The following BIRC6 variants were observed in gnomAD, a reference collection of about 807,000 sequenced individuals.
BIRC6 encodes baculoviral IAP repeat containing 6.
BIRC6 carries 98 observed loss-of-function variants against 503.3 expected under a neutral mutation model. The observed-to-expected ratio is 0.19, with a 90% CI of 0.17 to 0.23. The LOEUF is 0.23. Ranked by LOEUF, BIRC6 falls within the 10% of genes least tolerant of loss-of-function variation. The pLI, the probability that BIRC6 is intolerant of heterozygous loss-of-function variation, is 1.00. For missense variants in BIRC6, 5,360 were observed against 5,806.0 expected (o/e 0.92, Z 2.50); for synonymous variants, 2,240 against 2,078.7 (o/e 1.08, Z -2.11).
intron 61 of BIRC6, among the ~76,000 whole-genome samples, chr2:32,536,500 C>G (rs976940865): frequency 2.0e-5 from 3 of 152,148 alleles, no homozygotes; most frequent in African/African-American, 7.2e-5. Flanking sequence ...GTAAAGAAGG[C>G]ATCCAGTTTC....
intron 26 of BIRC6, among the ~76,000 whole-genome samples, chr2:32,465,687 G>T (rs2048467561): frequency 6.6e-6 from 1 of 152,110 alleles, no homozygotes; most frequent in African/African-American, 2.4e-5. Flanking sequence ...ATAAACTCTA[G>T]GCAACTTTTC....
intron 11 of BIRC6, 24 bp downstream of exon 11, chr2:32,429,319 AT>A (rs1466643819): frequency 1.4e-6 from 2 of 1,439,002 alleles, no homozygotes; most frequent in Non-Finnish European, 1.8e-6. Context: ...TTTTTAAATG[AT>A]TTTAAAAAAA....
In BIRC6 at chr2:32,407,546, TTG is replaced by T. The variant is rs1178737542; in HGVS notation, c.1477+992_1477+993del. The stretch of plus-strand genomic sequence containing the variant: ...TTTTTAAAAAGTGACCATTATTAAA[TTG>T]TGGCTATTGTTTAATGTTAGATGCT... On this transcript the variant is annotated intron_variant, in intron 9 of 73. Coordinates refer to ENST00000421745, the MANE Select transcript of BIRC6 (RefSeq NM_016252.4). Among the ~76,000 whole-genome samples, 5 of 152,146 alleles carry T rather than the reference TTG, an allele frequency of 3.3e-5. No individual in the cohort carries two copies. In the East Asian group the frequency reaches 9.6e-4, roughly 29 times the overall value.
In BIRC6 at chr2:32,405,923, A is replaced by G. The variant is rs183894653; in HGVS notation, c.1419-576A>G. On this transcript the variant is annotated intron_variant, in intron 8 of 73. Coordinates refer to ENST00000421745, the MANE Select transcript of BIRC6 (RefSeq NM_016252.4). ...ACACAGTAGTCTTCAAATTCCTACA[A>G]ATGTTATTATGGATTCTTGGAGGTT... Among the ~76,000 whole-genome samples, 4 of 152,254 alleles carry G rather than the reference A, an allele frequency of 2.6e-5. No individual in the cohort carries two copies. The East Asian group carries it at 5.8e-4, about 22-fold the overall frequency.
chr2:32,436,929 C>A (rs1188912897), intron 15 of BIRC6, among the ~76,000 whole-genome samples: 1 of 146,148 alleles, frequency 6.8e-6, no homozygotes, highest in African/African-American at 2.5e-5. Flanking sequence ...TGCTCTGTTA[C>A]CCAGGTTGGA....
intron 6 of BIRC6, among the ~76,000 whole-genome samples, chr2:32,398,878 AG>A (rs1047551731): frequency 3.4e-4 from 52 of 152,280 alleles, no homozygotes; most frequent in Non-Finnish European, 5.3e-4. Context: ...AAAAGGATTT[AG>A]GAAAGACATC....
At chr2:32,529,855 A>G (rs778150381) in intron 60 of BIRC6, 31 bp downstream of exon 60, 2 of 1,417,762 alleles carry the variant, frequency 1.4e-6, no homozygotes, top group Admixed American at 5.0e-5. Flanking sequence ...TAAAAATTAC[A>G]GACTGTCATA....
intron 6 of BIRC6, among the ~76,000 whole-genome samples, chr2:32,398,368 A>C (rs766234679): frequency 3.9e-5 from 6 of 152,182 alleles, no homozygotes; most frequent in Non-Finnish European, 7.3e-5. Context: ...GTTAAGGGGA[A>C]TGAACAGTAA....
intron 39 of BIRC6, among the ~76,000 whole-genome samples, chr2:32,484,116 G>T (rs2050717108): frequency 6.6e-6 from 1 of 152,096 alleles, no homozygotes; most frequent in Non-Finnish European, 1.5e-5. Flanking sequence ...AGCTCAAGCA[G>T]TCCGCCCTCC....
At chr2:32,568,984 C>CTT (rs1316517122) in intron 65 of BIRC6, among the ~76,000 whole-genome samples, 3 of 144,770 alleles carry the variant, frequency 2.1e-5, no homozygotes, top group African/African-American at 5.3e-5. Flanking sequence ...ATGTCTCTCT[C>CTT]TTTTTTTTTT....
chr2:32,450,135 C>A (rs550992555), intron 22 of BIRC6, among the ~76,000 whole-genome samples: 6 of 152,234 alleles, frequency 3.9e-5, no homozygotes, highest in African/African-American at 1.4e-4. Flanking sequence ...GCTCTGAGGT[C>A]ATCAAGTTTG....
chr2:32,445,521 G>C lies in BIRC6; in HGVS notation c.4337G>C (p.Gly1446Ala). 1 of 1,547,808 alleles carries C rather than the reference G, an allele frequency of 6.5e-7. No individual in the cohort carries two copies. The highest frequency in any genetic ancestry group is 8.7e-7 in the Non-Finnish European group (1 of 1,146,072). ...MSFLPAATTG[G>A]SVYWYFVLLN... is the part of the protein sequence containing the mutation. ...TTTATTTTGTTTTTATTGTTTCCAG[G>C]TTCTGTCTATTGGTATTTTGTCTTA... The change falls in exon 21 of 74, where the codon GGT (glycine) becomes GCT (alanine). Residue 1446 changes from glycine to alanine, a missense_variant and splice_region_variant. Physicochemically the swap from Gly to Ala is moderately conservative, Grantham distance 60 (BLOSUM62 0). Coordinates refer to ENST00000421745, the MANE Select transcript of BIRC6 (RefSeq NM_016252.4).
At chr2:32,442,592 TGTTG>T in intron 19 of BIRC6, 137 bp downstream of exon 19, 3 of 1,104,668 alleles carry the variant, frequency 2.7e-6, no homozygotes, top group Non-Finnish European at 3.6e-6. Flanking sequence ...TGATGAAGAT[TGTTG>T]ATAATCTTAG....
At chr2:32,391,856 T>A (rs2039274140) in intron 4 of BIRC6, among the ~76,000 whole-genome samples, 183 bp from the exon 5 acceptor site, 1 of 152,254 alleles carries the variant, frequency 6.6e-6, no homozygotes, top group South Asian at 2.1e-4. Flanking sequence ...TCCTTCCCTT[T>A]CTGTTTAAGG....
At chr2:32,565,859 C>T (rs1463020022) in intron 65 of BIRC6, 3 of 152,090 alleles carry the variant, frequency 2.0e-5, no homozygotes, top group Admixed American at 6.6e-5. Context: ...CATCATATCT[C>T]GTGAGAACTC....
chr2:32,410,876 A>G (rs1448554665), intron 9 of BIRC6, among the ~76,000 whole-genome samples: 1 of 151,290 alleles, frequency 6.6e-6, no homozygotes, highest in Non-Finnish European at 1.5e-5. Flanking sequence ...AAATTTTTGT[A>G]TTTTTAGTAG....
At position 32,595,364 on chromosome 2, in the gene BIRC6, A is replaced by C. The variant is rs184246239; in HGVS notation, c.13612+220A>C. The stretch of plus-strand genomic sequence containing the variant: ...CAATAGAAGGACTGTAAGAGCCTAG[A>C]AAAAATAAATCCAAGCCAAGTGTCT... On this transcript the variant is annotated intron_variant, in intron 68 of 73. Coordinates refer to ENST00000421745, the MANE Select transcript of BIRC6 (RefSeq NM_016252.4). Among the ~76,000 whole-genome samples, 46 of 152,354 alleles carry C rather than the reference A, an allele frequency of 3.0e-4. 1 individual carries two copies. Among genetic ancestry groups the C allele is most frequent in the Admixed American group, 2.5e-3 (38 of 15,308 alleles).
At chr2:32,535,087 A>T (rs2057106478) in intron 61 of BIRC6, among the ~76,000 whole-genome samples, 1 of 141,020 alleles carries the variant, frequency 7.1e-6, no homozygotes, top group African/African-American at 2.6e-5. Flanking sequence ...CGGGAGGATT[A>T]CTTGAGCCCA....
chr2:32,612,324 G>T (rs1005504602), intron 73 of BIRC6, among the ~76,000 whole-genome samples: 2 of 152,164 alleles, frequency 1.3e-5, no homozygotes, highest in African/African-American at 4.8e-5. Context: ...TTTCAGTTTG[G>T]ACGTTCATAG....
Sources: allele counts gnomAD v4.1 joint callset (sites outside exome capture counted in the v4.1 genomes callset), GRCh38; gene constraint gnomAD v4.1.1; transcripts MANE v1.5; gene names NCBI Gene and HGNC (gene_info 2026-07-23, HGNC 2026-07-21).